The following LSAMP variants were observed in gnomAD, a reference collection of about 807,000 sequenced individuals.
The protein encoded by LSAMP is limbic system associated membrane protein.
A neutral mutation model predicts 38.6 loss-of-function variants in LSAMP; 7 were observed. The observed-to-expected ratio is 0.18, with a 90% confidence interval of 0.10 to 0.34. The LOEUF (loss-of-function observed/expected upper bound fraction) is 0.34. Ranked by LOEUF, LSAMP falls within the 10% of genes least tolerant of loss-of-function variation. The pLI is 1.00. For missense variants in LSAMP, 313 were observed against 420.0 expected (o/e 0.75, Z 2.23); for synonymous variants, 154 against 166.8 (o/e 0.92, Z 0.59).
chr3:115,845,983 G>A lies in LSAMP; in HGVS notation c.650-3405C>T, dbSNP rs186347257. On this transcript the variant is annotated intron_variant, in intron 4 of 6. Coordinates refer to ENST00000490035, the MANE Select transcript of LSAMP (RefSeq NM_002338.5). ...ATGAATACTGATAAATATACAAAGA[G>A]CTCATTGTTTCTAATATTTTTCAAA... is the stretch of plus-strand genomic sequence containing the variant. Among the ~76,000 whole-genome samples the A allele has an allele frequency of 2.0e-5, 3 of 152,266 alleles. No individual in the cohort carries two copies. The East Asian group carries it at 5.8e-4, about 29-fold the overall frequency.
At position 116,445,458 on chromosome 3, in the gene LSAMP, C is replaced by T. The variant is rs972080834; in HGVS notation, c.-427G>A. 4.4e-6 allele frequency: 2 copies of T among 450,518 alleles called. No individual in the cohort carries two copies. Among genetic ancestry groups the T allele is most frequent in the Non-Finnish European group, 7.7e-6 (2 of 258,302 alleles). 27.9% of individuals were successfully genotyped at this position (450,518 alleles called of 1,614,324 possible). A position where few individuals can be genotyped will look rare whatever the true frequency, so the allele number is the denominator to read the frequency against. On this transcript the variant is annotated 5_prime_UTR_variant, in exon 1 of 7. Transcript: ENST00000490035. The stretch of plus-strand genomic sequence containing the variant: ...GGCGAGGGAGCCGGCACCAAGCCTG[C>T]CAGTGAGTGTACAGAAACAGCCACA...
At chr3:116,103,380 G>T (rs551486239) in intron 1 of LSAMP, among the ~76,000 whole-genome samples, 19 of 147,800 alleles carry the variant, frequency 1.3e-4, no homozygotes, top group Admixed American at 1.1e-3. Flanking sequence ...ATACAGAATC[G>T]CTTGAACCTG....
intron 2 of LSAMP, among the ~76,000 whole-genome samples, chr3:116,039,455 T>A (rs1280194890): frequency 1.3e-5 from 2 of 152,204 alleles, no homozygotes; most frequent in Non-Finnish European, 2.9e-5. Flanking sequence ...CACACCTAAG[T>A]AACGTGTTAA....
intron 1 of LSAMP, among the ~76,000 whole-genome samples, chr3:116,303,392 T>C (rs906722726): frequency 1.3e-5 from 2 of 152,216 alleles, no homozygotes; most frequent in Admixed American, 1.3e-4. Context: ...TGGTGCCAAA[T>C]AATTGAATGT....
chr3:116,278,260 T>C (rs760795638), intron 1 of LSAMP, among the ~76,000 whole-genome samples: 11 of 152,208 alleles, frequency 7.2e-5, no homozygotes, highest in Non-Finnish European at 1.5e-4. Flanking sequence ...AGAGCTATTG[T>C]CACTTTGTGG....
At chr3:115,918,925 C>T (rs1445064910) in intron 3 of LSAMP, among the ~76,000 whole-genome samples, 1 of 152,074 alleles carries the variant, frequency 6.6e-6, no homozygotes, top group African/African-American at 2.4e-5. Context: ...GAAATAGAGG[C>T]TAAATGATTG....
intron 2 of LSAMP, among the ~76,000 whole-genome samples, chr3:116,061,374 T>G (rs1474004883): frequency 6.6e-6 from 1 of 152,162 alleles, no homozygotes; most frequent in African/African-American, 2.4e-5. Flanking sequence ...TTCTTTCTCC[T>G]TAGGGGGCTG....
chr3:116,349,319 T>C (rs1207597727), intron 1 of LSAMP, among the ~76,000 whole-genome samples: 3 of 152,096 alleles, frequency 2.0e-5, no homozygotes, highest in Admixed American at 6.6e-5. Context: ...AAGTCCATAC[T>C]GTGGAATATT....
intron 3 of LSAMP, among the ~76,000 whole-genome samples, chr3:115,862,221 G>T (rs565357574): frequency 1.6e-3 from 240 of 152,308 alleles, no homozygotes; most frequent in Non-Finnish European, 2.7e-3. Flanking sequence ...ACTCTGCCAT[G>T]GCTCAGGATT....
At chr3:116,259,008 A>G (rs1348937766) in intron 1 of LSAMP, among the ~76,000 whole-genome samples, 1 of 152,160 alleles carries the variant, frequency 6.6e-6, no homozygotes, top group African/African-American at 2.4e-5. Context: ...AAATCTGTAG[A>G]CATTAGGATT....
intron 1 of LSAMP, among the ~76,000 whole-genome samples, chr3:116,209,324 A>G (rs111646341): frequency 0.03 from 4,635 of 152,234 alleles, 90 homozygotes; most frequent in Non-Finnish European, 0.04. Context: ...AGATGAACCC[A>G]GTACCTCAGA....
At chr3:116,279,652 T>C (rs1304916604) in intron 1 of LSAMP, among the ~76,000 whole-genome samples, 3 of 152,228 alleles carry the variant, frequency 2.0e-5, no homozygotes, top group African/African-American at 7.2e-5. Flanking sequence ...GTAATTATTG[T>C]AGACATAAAA....
chr3:116,009,769 C>T (rs1940271083), intron 3 of LSAMP, among the ~76,000 whole-genome samples: 1 of 152,008 alleles, frequency 6.6e-6, no homozygotes, highest in South Asian at 2.1e-4. Context: ...CAGAGTGGGA[C>T]TGAACCCTTC....
At chr3:116,386,743 G>A (rs2048631107) in intron 1 of LSAMP, among the ~76,000 whole-genome samples, 1 of 152,146 alleles carries the variant, frequency 6.6e-6, no homozygotes, top group Admixed American at 6.5e-5. Context: ...ACAATGCTGG[G>A]GTTACAGGTG....
chr3:116,353,534 T>C (rs1299285789), intron 1 of LSAMP, among the ~76,000 whole-genome samples: 1 of 152,064 alleles, frequency 6.6e-6, no homozygotes, highest in Non-Finnish European at 1.5e-5. Flanking sequence ...TACATCCTCC[T>C]ACCCAGATAA....
At chr3:115,949,127 T>G (rs1174346498) in intron 3 of LSAMP, among the ~76,000 whole-genome samples, 1 of 152,068 alleles carries the variant, frequency 6.6e-6, no homozygotes, top group African/African-American at 2.4e-5. Flanking sequence ...GGCATGGTGG[T>G]GCATGCCTGT....
intron 1 of LSAMP, among the ~76,000 whole-genome samples, chr3:116,277,173 A>G (rs2047066010): frequency 6.6e-6 from 1 of 152,210 alleles, no homozygotes; most frequent in Non-Finnish European, 1.5e-5. Context: ...TAAATTAATT[A>G]TAAGGCTCCA....
intron 3 of LSAMP, among the ~76,000 whole-genome samples, chr3:115,853,053 C>A (rs748900911): frequency 6.6e-6 from 1 of 152,102 alleles, no homozygotes; most frequent in Non-Finnish European, 1.5e-5. Flanking sequence ...TGGGAGCTGG[C>A]GGGAGGTACA....
At chr3:116,149,167 T>C (rs9681792) in intron 1 of LSAMP, among the ~76,000 whole-genome samples, 4,999 of 152,004 alleles carry the variant, frequency 0.033, 218 homozygotes, top group African/African-American at 0.099. Context: ...AGTATGGCCC[T>C]CATGCCCTCA....
Sources: allele counts gnomAD v4.1 joint callset (sites outside exome capture counted in the v4.1 genomes callset), GRCh38; gene constraint gnomAD v4.1.1; transcripts MANE v1.5; gene names NCBI Gene and HGNC (gene_info 2026-07-23, HGNC 2026-07-21).